Variants in SLIT1 observed in about 807,000 individuals in gnomAD.
SLIT1 encodes the protein slit homolog 1 protein.
In SLIT1, 66 loss-of-function variants were observed where a neutral mutation model predicts 186.1. The observed-to-expected ratio is 0.35, with a 90% CI of 0.29 to 0.44. SLIT1 has a LOEUF of 0.44. Ranked by LOEUF, SLIT1 falls within the 20% of genes least tolerant of loss-of-function variation. The probability of loss-of-function intolerance (pLI) is 1.00; values close to 1 mark genes in which losing one functional copy is unlikely to be tolerated. For synonymous variants in SLIT1, 761 were observed against 833.8 expected (o/e 0.91, Z 1.50); for missense variants, 1,638 against 2,037.4 (o/e 0.80, Z 3.77).
chr10:97,109,046 A>T (rs2493329), intron 4 of SLIT1, among the ~76,000 whole-genome samples: 94,570 of 151,536 alleles, frequency 0.62, 30,386 homozygotes, highest in Admixed American at 0.7. Context: ...TAAAAATTAC[A>T]ATCTAAAAAA....
Position 97,031,597 on chromosome 10 carries a change from G to C in SLIT1, c.2510+9C>G. 1 of 1,549,394 alleles carries C rather than the reference G, an allele frequency of 6.5e-7. No individual in the cohort carries two copies. Among genetic ancestry groups the C allele is most frequent in the Non-Finnish European group, 8.7e-7 (1 of 1,145,150 alleles). The stretch of plus-strand genomic sequence containing the variant: ...ATTTTCTGGCAGGATGGTGAGTGAG[G>C]AGACTTACAGCAGGCGCAGGGAGCG... On this transcript the variant is annotated intron_variant, in intron 24 of 36. Transcript: ENST00000266058.
intron 4 of SLIT1, among the ~76,000 whole-genome samples, chr10:97,100,773 G>T (rs528242556): frequency 1.3e-5 from 2 of 152,240 alleles, no homozygotes; most frequent in African/African-American, 4.8e-5. Context: ...ATACAATACT[G>T]CTCCCCACCA....
At chr10:97,062,287 G>A (rs956131315) in intron 8 of SLIT1, among the ~76,000 whole-genome samples, 2 of 152,196 alleles carry the variant, frequency 1.3e-5, no homozygotes, top group East Asian at 1.9e-4. Context: ...CATTGCACTG[G>A]GTGTCTGCCA....
In SLIT1 at chr10:97,021,252, T is replaced by G; in HGVS notation, c.2744A>C (p.Gln915Pro). ...LTTPAKKFEC[Q>P]GPPTLAVQAK... ...GGAGGCTGTGCTCCTAGGCTCACCT[T>G]GGCATTCAAACTTCTTGGCAGGCGT... Residue 915 changes from glutamine to proline, a missense_variant and splice_region_variant, in exon 26 of 37, where the codon CAA becomes CCA. This residue lies in a region of SLIT1 where 1,245 missense variants were observed against 1,535.3 expected (regional missense o/e 0.81). Transcript: ENST00000266058. This position sits in a 1 kb window ranked among gnomAD's most constrained non-coding sequence, Gnocchi z 4.5. 3 of 1,613,716 alleles carry G rather than the reference T, an allele frequency of 1.9e-6. No individual in the cohort carries two copies. Among genetic ancestry groups the G allele is most frequent in the Non-Finnish European group, 2.5e-6 (3 of 1,179,790 alleles).
intron 4 of SLIT1, among the ~76,000 whole-genome samples, chr10:97,069,528 C>G (rs1848983386): frequency 6.6e-6 from 1 of 152,194 alleles, no homozygotes; most frequent in Non-Finnish European, 1.5e-5. Flanking sequence ...AGGAGCAGTA[C>G]TGCCAAAGAG....
intron 31 of SLIT1, among the ~76,000 whole-genome samples, chr10:97,007,505 C>G (rs1848369889): frequency 6.6e-6 from 1 of 152,032 alleles, no homozygotes. Context: ...CAAAAAACTA[C>G]AGACCAATAT....
At position 97,018,685 on chromosome 10, in the gene SLIT1, T is replaced by C; in HGVS notation, c.2872-2A>G. On this transcript the variant is annotated splice_acceptor_variant, in intron 27 of 36. Transcript: ENST00000266058. LOFTEE classifies it high-confidence loss of function. ...CAGGGACACCTCACAGTCTCGACCCTGGGGGGAAAGTCAGTGATGGGGACC... is the reference window on the plus strand; with the variant it reads ...CAGGGACACCTCACAGTCTCGACCCCGGGGGGAAAGTCAGTGATGGGGACC... The C allele has an allele frequency of 1.3e-6, 2 of 1,572,836 alleles. No individual in the cohort carries two copies. The highest frequency in any genetic ancestry group is 2.3e-5 in the South Asian group (2 of 85,410).
chr10:97,140,775 ACCT>A (rs1433227285), intron 4 of SLIT1, among the ~76,000 whole-genome samples: 5 of 152,062 alleles, frequency 3.3e-5, no homozygotes, highest in African/African-American at 1.2e-4. Context: ...CCAGGGATAA[ACCT>A]CCTGTGTCTC....
intron 7 of SLIT1, 75 bp from the exon 8 acceptor site, chr10:97,063,693 G>T: frequency 6.8e-7 from 1 of 1,460,732 alleles, no homozygotes; most frequent in Non-Finnish European, 9.2e-7. Flanking sequence ...CCCAATCTCA[G>T]GCAGGAGGCT....
chr10:97,002,415 G>A lies in SLIT1; in HGVS notation c.4155-46C>T, dbSNP rs144697501. ...GCGCTGTGAGGACAAACCCAGCCAA[G>A]CCCCACCTGACACAGCCCGCCCCAC... is the stretch of plus-strand genomic sequence containing the variant. On this transcript the variant is annotated intron_variant, in intron 35 of 36. Transcript: ENST00000266058. 8.5e-4 allele frequency: 1,242 copies of A among 1,456,334 alleles called. 2 individuals are homozygous for A. Among genetic ancestry groups the A allele is most frequent in the Non-Finnish European group, 9.9e-4 (1,071 of 1,080,510 alleles). The allele number at this position is 1,456,334 out of a possible 1,614,324, so 90.2% of individuals were successfully genotyped here. A position where few individuals can be genotyped will look rare whatever the true frequency, so the allele number is the denominator to read the frequency against.
intron 4 of SLIT1, among the ~76,000 whole-genome samples, chr10:97,087,995 A>T (rs1849184861): frequency 6.6e-6 from 1 of 152,090 alleles, no homozygotes. Context: ...TCTGCCTTTA[A>T]TAAGGCGATT....
intron 7 of SLIT1, 139 bp downstream of exon 7, chr10:97,064,029 C>G (rs963288958): frequency 2.8e-6 from 2 of 709,774 alleles, no homozygotes; most frequent in Non-Finnish European, 4.9e-6. Context: ...ATGAAGCCCC[C>G]AGCCTGGGCT....
In SLIT1 at chr10:97,003,135, C is replaced by T. The variant is rs553388995; in HGVS notation, c.3866-143G>A. The T allele has an allele frequency of 8.0e-4, 604 of 758,392 alleles. 1 individual carries two copies. The highest frequency in any genetic ancestry group is 1.1e-3 in the Non-Finnish European group (535 of 474,498). 47.0% of individuals were successfully genotyped at this position (758,392 alleles called of 1,614,324 possible). On this transcript the variant is annotated intron_variant, in intron 34 of 36. Coordinates refer to ENST00000266058, the MANE Select transcript of SLIT1 (RefSeq NM_003061.3). ...ATCTCTGCAACCCTGATCCAAGGTC[C>T]TTTGCCACCTTGGAGGGCCCAGGCT... is the stretch of plus-strand genomic sequence containing the variant.
chr10:97,067,639 C>T (rs541096298), intron 4 of SLIT1, among the ~76,000 whole-genome samples: 28 of 152,284 alleles, frequency 1.8e-4, no homozygotes, highest in African/African-American at 6.5e-4. Context: ...ACTGCCATTG[C>T]GCCCATTTCA....
intron 4 of SLIT1, chr10:97,153,699 G>A (rs1849908767): frequency 6.6e-6 from 1 of 152,240 alleles, no homozygotes; most frequent in Admixed American, 6.5e-5. Context: ...CAGAAACCCG[G>A]AGTTGGGGCC....
intron 4 of SLIT1, among the ~76,000 whole-genome samples, chr10:97,125,619 A>G (rs1849597290): frequency 6.6e-6 from 1 of 151,636 alleles, no homozygotes; most frequent in East Asian, 1.9e-4. Context: ...CGGGCGGATC[A>G]CCTGAGGTCA....
Position 97,013,616 on chromosome 10 carries a change from T to C in SLIT1, c.3203+125A>G, listed in dbSNP as rs1589362862. The C allele has an allele frequency of 5.6e-6, 4 of 712,446 alleles. No individual in the cohort carries two copies. In the East Asian group the frequency reaches 8.1e-5, roughly 14 times the overall value. The allele number at this position is 712,446 out of a possible 1,614,324, so 44.1% of individuals were successfully genotyped here. ...CCCGCATGGATTCTCAGGAACCCTGTAGAGCTGAGACCAAACCCATTGGAC... is the reference window on the plus strand; with the variant it reads ...CCCGCATGGATTCTCAGGAACCCTGCAGAGCTGAGACCAAACCCATTGGAC... On this transcript the variant is annotated intron_variant, in intron 30 of 36. Transcript: ENST00000266058.
At chr10:97,071,685 T>C (rs200721730) in intron 4 of SLIT1, among the ~76,000 whole-genome samples, 1 of 152,144 alleles carries the variant, frequency 6.6e-6, no homozygotes, top group East Asian at 1.9e-4. Flanking sequence ...CTGAGCTTTC[T>C]CACTGAAAGC....
chr10:97,006,767 T>C lies in SLIT1; in HGVS notation c.3342-47A>G. ...CAGAGAGGGCCAAGGAGGAAGGGAG[T>C]ATCTTCCTCTCCCACAGCCCTGGAG... On this transcript the variant is annotated intron_variant, in intron 31 of 36. Transcript: ENST00000266058. The surrounding 1 kb of genome is among the most constrained non-coding windows in gnomAD (Gnocchi z 4.0). 7.8e-7 allele frequency: 1 copy of C among 1,289,142 alleles called. No individual in the cohort carries two copies. The highest frequency in any genetic ancestry group is 1.1e-6 in the Non-Finnish European group (1 of 890,572). 79.9% of individuals were successfully genotyped at this position (1,289,142 alleles called of 1,614,324 possible). A position where few individuals can be genotyped will look rare whatever the true frequency, so the allele number is the denominator to read the frequency against.
Sources: allele counts gnomAD v4.1 joint callset (sites outside exome capture counted in the v4.1 genomes callset), GRCh38; gene constraint gnomAD v4.1.1; regional missense constraint gnomAD v4.1.1; non-coding constraint Gnocchi (gnomAD v3.1); transcripts MANE v1.5; gene names NCBI Gene and HGNC (gene_info 2026-07-23, HGNC 2026-07-21).